Variants in ERCC6L2 observed in about 807,000 individuals in gnomAD.
ERCC6L2 encodes ERCC excision repair 6 like 2, also known as DNA excision repair protein ERCC-6-like 2.
A neutral mutation model predicts 132.0 loss-of-function variants in ERCC6L2; 77 were observed. The observed-to-expected ratio is 0.58, with a 90% CI of 0.49 to 0.71. The LOEUF (loss-of-function observed/expected upper bound fraction) is 0.71. Among genes scored for constraint, ERCC6L2 ranks in the 30% least tolerant of loss-of-function variants. The pLI is 0.00. For missense variants in ERCC6L2, 1,542 were observed against 1,837.6 expected (o/e 0.84, Z 2.94); for synonymous variants, 583 against 632.4 (o/e 0.92, Z 1.17).
At chr9:95,982,059 A>G (rs925586207) in intron 17 of ERCC6L2, among the ~76,000 whole-genome samples, 47 of 152,166 alleles carry the variant, frequency 3.1e-4, no homozygotes, top group African/African-American at 1.1e-3. Flanking sequence ...TAATCCCTTG[A>G]ATTGGATGAC....
chr9:95,940,363 T>C (rs1418398793), intron 11 of ERCC6L2, among the ~76,000 whole-genome samples: 28 of 152,146 alleles, frequency 1.8e-4, no homozygotes, highest in Admixed American at 1.8e-3. Flanking sequence ...ATTTTTATAG[T>C]CTGTGACTTT....
intron 19 of ERCC6L2, among the ~76,000 whole-genome samples, chr9:96,031,116 G>C (rs1434990778): frequency 2.0e-5 from 3 of 152,212 alleles, no homozygotes; most frequent in African/African-American, 7.2e-5. Flanking sequence ...CAAAGCACCT[G>C]CTGTGTTTCG....
intron 9 of ERCC6L2, among the ~76,000 whole-genome samples, chr9:95,924,722 A>G (rs1290352813): frequency 6.6e-6 from 1 of 152,086 alleles, no homozygotes; most frequent in African/African-American, 2.4e-5. Context: ...ATACTTTTAA[A>G]GTTAATCTCC....
chr9:95,991,782 A>G (rs1218937873), intron 17 of ERCC6L2, among the ~76,000 whole-genome samples: 2 of 152,236 alleles, frequency 1.3e-5, no homozygotes, highest in Non-Finnish European at 2.9e-5. Context: ...AACTCTATTA[A>G]TAAGTATTTT....
At chr9:95,994,143 G>A (rs1272506477) in intron 17 of ERCC6L2, among the ~76,000 whole-genome samples, 3 of 152,210 alleles carry the variant, frequency 2.0e-5, no homozygotes. Context: ...TGTTTTGACT[G>A]CTTGATGGCA....
chr9:95,890,656 A>G (rs1828110553), intron 2 of ERCC6L2, among the ~76,000 whole-genome samples: 1 of 152,184 alleles, frequency 6.6e-6, no homozygotes, highest in Non-Finnish European at 1.5e-5. Flanking sequence ...GAATGATGCC[A>G]GAAAAATAGC....
At chr9:96,038,884 G>C (rs1192534750) in exon 20 of ERCC6L2, 1 of 456,306 alleles carries the variant, frequency 2.2e-6, no homozygotes, top group South Asian at 1.5e-5. Context: ...AGGTCACAAA[G>C]CTCCTTCTCA....
At chr9:95,960,323 A>C (rs1831840667) in intron 13 of ERCC6L2, among the ~76,000 whole-genome samples, 1 of 152,176 alleles carries the variant, frequency 6.6e-6, no homozygotes, top group African/African-American at 2.4e-5. Context: ...ACTTTGAAAA[A>C]GGCACTATAG....
chr9:95,996,880 C>CA (rs1309415908), intron 17 of ERCC6L2, among the ~76,000 whole-genome samples: 1 of 152,178 alleles, frequency 6.6e-6, no homozygotes, highest in African/African-American at 2.4e-5. Context: ...TGTCTACTAA[C>CA]ACGGCATTTA....
At chr9:95,887,060 A>G (rs1827910166) in intron 2 of ERCC6L2, among the ~76,000 whole-genome samples, 1 of 152,184 alleles carries the variant, frequency 6.6e-6, no homozygotes, top group African/African-American at 2.4e-5. Flanking sequence ...GTGAGATAGT[A>G]CTTAATAAAC....
intron 7 of ERCC6L2, 99 bp downstream of exon 7, chr9:95,921,414 A>T (rs1350284963): frequency 1.1e-6 from 1 of 939,498 alleles, no homozygotes; most frequent in Non-Finnish European, 1.5e-6. Flanking sequence ...CCTTTTCCTC[A>T]GACAGTTCTT....
At chr9:96,001,106 C>T (rs1833657468) in intron 17 of ERCC6L2, among the ~76,000 whole-genome samples, 1 of 151,858 alleles carries the variant, frequency 6.6e-6, no homozygotes, top group South Asian at 2.1e-4. Flanking sequence ...TCCCGGTGGG[C>T]TCGTGGTCTC....
chr9:96,021,063 G>GC (rs1320077393), downstream of ERCC6L2: 1 of 448,436 alleles, frequency 2.2e-6, no homozygotes, highest in Non-Finnish European at 4.5e-6. The surrounding 1 kb of genome is among the most constrained non-coding windows in gnomAD (Gnocchi z 4.7). Flanking sequence ...AGGGGGCACC[G>GC]CCTGCGCCGG....
intron 4 of ERCC6L2, among the ~76,000 whole-genome samples, chr9:95,907,826 T>TACACACACACAGACACACACACAC (rs1829122987): frequency 2.4e-5 from 1 of 40,870 alleles, no homozygotes. Flanking sequence ...GGGCAAAAAC[T>TACACACACACAGACACACACACAC]ACACACACAC....
intron 17 of ERCC6L2, among the ~76,000 whole-genome samples, chr9:95,982,684 A>G (rs1588019809): frequency 1.3e-5 from 2 of 151,916 alleles, no homozygotes; most frequent in East Asian, 3.8e-4. Flanking sequence ...AAATAATTTT[A>G]GTAGAAATCA....
intron 11 of ERCC6L2, among the ~76,000 whole-genome samples, chr9:95,930,890 A>G (rs1438974834): frequency 6.6e-6 from 1 of 152,150 alleles, no homozygotes; most frequent in East Asian, 1.9e-4. Context: ...ACCTATACAT[A>G]TTATGTTAAC....
intron 14 of ERCC6L2, chr9:95,967,873 C>G (rs1373220425): frequency 6.6e-6 from 1 of 152,122 alleles, no homozygotes; most frequent in Non-Finnish European, 1.5e-5. Context: ...CAGCTGCTAC[C>G]TCCATCTCAG....
chr9:95,970,051 G>A (rs1832342681), intron 14 of ERCC6L2, among the ~76,000 whole-genome samples: 1 of 152,042 alleles, frequency 6.6e-6, no homozygotes, highest in Non-Finnish European at 1.5e-5. Context: ...CTAGAATATT[G>A]TTTTTAGTTT....
At chr9:95,976,432 C>A (rs74930826) in intron 16 of ERCC6L2, among the ~76,000 whole-genome samples, 1 of 151,754 alleles carries the variant, frequency 6.6e-6, no homozygotes, top group African/African-American at 2.4e-5. Flanking sequence ...TGAAGAGCAA[C>A]AAACCTTCCC....
Sources: allele counts gnomAD v4.1 joint callset (sites outside exome capture counted in the v4.1 genomes callset), GRCh38; gene constraint gnomAD v4.1.1; non-coding constraint Gnocchi (gnomAD v3.1); transcripts MANE v1.5; gene names NCBI Gene and HGNC (gene_info 2026-07-23, HGNC 2026-07-21).